The following ADAM10 variants were observed in gnomAD, a reference collection of about 807,000 sequenced individuals.
ADAM10 encodes the protein ADAM metallopeptidase domain 10.
Under a neutral mutation model 90.1 loss-of-function variants are expected in ADAM10, and 17 were observed. The observed-to-expected ratio is 0.19, with a 90% CI of 0.13 to 0.28. ADAM10 has a LOEUF of 0.28. ADAM10 is among the 10% of genes least tolerant of loss of function. ADAM10 has a pLI of 1.00. For missense variants in ADAM10, 610 were observed against 914.3 expected (o/e 0.67, Z 4.29); for synonymous variants, 310 against 298.6 (o/e 1.04, Z -0.40).
intron 1 of ADAM10, among the ~76,000 whole-genome samples, chr15:58,730,029 T>G (rs1899185425): frequency 6.6e-6 from 1 of 151,752 alleles, no homozygotes; most frequent in Non-Finnish European, 1.5e-5. Flanking sequence ...TTGAAGCACT[T>G]TAGATTTTCA....
intron 9 of ADAM10, chr15:58,629,521 G>C (rs1481532012): frequency 6.6e-6 from 1 of 152,078 alleles, no homozygotes; most frequent in Non-Finnish European, 1.5e-5. Flanking sequence ...CATCTTGACT[G>C]GACTCGCACA....
At chr15:58,728,893 A>C (rs1165357774) in intron 1 of ADAM10, among the ~76,000 whole-genome samples, 1 of 152,222 alleles carries the variant, frequency 6.6e-6, no homozygotes, top group African/African-American at 2.4e-5. Flanking sequence ...CATAAGTAGT[A>C]AGAGATGGGG....
intron 4 of ADAM10, among the ~76,000 whole-genome samples, chr15:58,677,256 T>A (rs1000075760): frequency 6.6e-6 from 1 of 152,172 alleles, no homozygotes; most frequent in Non-Finnish European, 1.5e-5. Flanking sequence ...ACCCCACTAC[T>A]GATATGTAAT....
At chr15:58,692,197 T>A (rs781462529) in intron 2 of ADAM10, 1 of 563,066 alleles carries the variant, frequency 1.8e-6, no homozygotes, top group South Asian at 1.4e-5. Context: ...GGGAGCCTGA[T>A]GAGGGATGAA....
At chr15:58,666,666 G>C (rs565828084) in intron 4 of ADAM10, among the ~76,000 whole-genome samples, 5 of 151,352 alleles carry the variant, frequency 3.3e-5, no homozygotes, top group African/African-American at 2.4e-5. Flanking sequence ...TAATGTATAG[G>C]GGAACAAAAA....
intron 11 of ADAM10, among the ~76,000 whole-genome samples, chr15:58,618,436 A>G (rs1395660560): frequency 6.6e-6 from 1 of 152,310 alleles, no homozygotes; most frequent in East Asian, 1.9e-4. Flanking sequence ...TTGGGAAAAG[A>G]TATCAGGACA....
At position 58,633,174 on chromosome 15, in the gene ADAM10, C is replaced by G. The variant is rs773270020; in HGVS notation, c.1176+22G>C. ...ATTAGACTAATAAGTATTTTTTAAG[C>G]TAATAATTAGACAATACTTACTGGG... On this transcript the variant is annotated intron_variant, in intron 9 of 15. Transcript: ENST00000260408. The G allele has an allele frequency of 2.1e-5, 33 of 1,589,734 alleles. 1 individual carries two copies. In the Admixed American group the frequency reaches 5.4e-4, roughly 26 times the overall value.
chr15:58,693,016 T>G, intron 2 of ADAM10: 1 of 780,496 alleles, frequency 1.3e-6, no homozygotes. Flanking sequence ...CTTGGAAGGG[T>G]CTGTCAGGCT....
chr15:58,684,504 T>A (rs1322815646), intron 2 of ADAM10, among the ~76,000 whole-genome samples: 1 of 152,162 alleles, frequency 6.6e-6, no homozygotes, highest in African/African-American at 2.4e-5. Flanking sequence ...GAGATTAAGC[T>A]CTATAGAAAC....
chr15:58,619,858 C>A (rs556000720), intron 11 of ADAM10, among the ~76,000 whole-genome samples: 1 of 151,596 alleles, frequency 6.6e-6, no homozygotes, highest in Non-Finnish European at 1.5e-5. Context: ...GAGCAGAGAT[C>A]GCGCCACTGC....
In ADAM10 at chr15:58,596,866, T is replaced by A. The variant is rs1894968046; in HGVS notation, c.*681A>T. On this transcript the variant is annotated 3_prime_UTR_variant, in exon 16 of 16. Transcript: ENST00000260408. ...AAAATGAGTATCAAAACCAACTCCA[T>A]CGTAACAGAAAGGTAAATTGATTTT... The A allele has an allele frequency of 6.4e-6, 1 of 155,526 alleles. No homozygotes were observed. Among genetic ancestry groups the A allele is most frequent in the Non-Finnish European group, 1.4e-5 (1 of 69,958 alleles). 9.6% of individuals were successfully genotyped at this position (155,526 alleles called of 1,614,324 possible). A position where few individuals can be genotyped will look rare whatever the true frequency, so the allele number is the denominator to read the frequency against.
chr15:58,678,974 T>C (rs919011038), intron 4 of ADAM10, 150 bp downstream of exon 4: 107 of 753,550 alleles, frequency 1.4e-4, no homozygotes, highest in Admixed American at 4.8e-4. Flanking sequence ...ATATCTACTA[T>C]TCCTTAAATA....
intron 4 of ADAM10, among the ~76,000 whole-genome samples, chr15:58,675,637 T>G: frequency 6.6e-6 from 1 of 152,292 alleles, no homozygotes; most frequent in Non-Finnish European, 1.5e-5. Flanking sequence ...AAGTATGCAT[T>G]TTAAGCTGAT....
At chr15:58,693,814 T>C (rs1873978007) in intron 2 of ADAM10, among the ~76,000 whole-genome samples, 1 of 143,514 alleles carries the variant, frequency 7.0e-6, no homozygotes, top group African/African-American at 2.6e-5. Flanking sequence ...TTGCAATACA[T>C]ATGGTCTGAC....
At chr15:58,638,397 C>G (rs1896325055) in intron 8 of ADAM10, among the ~76,000 whole-genome samples, 1 of 151,522 alleles carries the variant, frequency 6.6e-6, no homozygotes, top group African/African-American at 2.4e-5. Flanking sequence ...GGGCGGATCA[C>G]GAGGTCAGGA....
chr15:58,665,793 A>G (rs758906470), intron 4 of ADAM10, among the ~76,000 whole-genome samples: 5 of 152,054 alleles, frequency 3.3e-5, no homozygotes, highest in Non-Finnish European at 7.4e-5. Context: ...CACCCAAGTC[A>G]TTACTGCCCT....
At chr15:58,727,466 C>T (rs959518813) in intron 1 of ADAM10, among the ~76,000 whole-genome samples, 2 of 152,050 alleles carry the variant, frequency 1.3e-5, no homozygotes, top group Non-Finnish European at 2.9e-5. Context: ...GCTGGGATTA[C>T]AGGTGTGAGC....
intron 1 of ADAM10, among the ~76,000 whole-genome samples, chr15:58,721,516 G>T (rs1461186010): frequency 6.6e-6 from 1 of 152,046 alleles, no homozygotes. Context: ...GGAAATAAGG[G>T]GGCCATGGGT....
chr15:58,699,735 C>T (rs568047304), intron 2 of ADAM10, among the ~76,000 whole-genome samples: 1 of 152,142 alleles, frequency 6.6e-6, no homozygotes, highest in South Asian at 2.1e-4. Flanking sequence ...GTGATTGCAC[C>T]ACTGCACTCC....
Sources: gnomAD v4.1 joint callset for allele counts (sites outside exome capture counted in the v4.1 genomes callset) on GRCh38, gnomAD v4.1.1 for gene constraint, MANE v1.5 for transcripts, NCBI Gene and HGNC (gene_info 2026-07-23, HGNC 2026-07-21) for gene names.